Variants in LINC00305 observed in about 807,000 individuals in gnomAD.
The protein encoded by LINC00305 is long independently transcribed non-coding RNA 305.
intron 1 of LINC00305, among the ~76,000 whole-genome samples, chr18:64,138,875 C>T (rs1267394516): frequency 6.6e-5 from 10 of 152,268 alleles, no homozygotes; most frequent in African/African-American, 2.4e-4. Context: ...GCGCCTGGAA[C>T]GACTTGAATA....
At chr18:64,084,021 G>C (rs551612399) in intron 3 of LINC00305, among the ~76,000 whole-genome samples, 33 of 152,254 alleles carry the variant, frequency 2.2e-4, no homozygotes, top group Admixed American at 7.8e-4. Context: ...AGTCCCTGAA[G>C]CTCCATGGTT....
At chr18:64,094,888 A>T (rs10439076) in intron 3 of LINC00305, among the ~76,000 whole-genome samples, 19 of 97,194 alleles carry the variant, frequency 2.0e-4, no homozygotes, top group Non-Finnish European at 2.1e-4. Flanking sequence ...AATAAATAAT[A>T]AAATAAAATA....
At chr18:64,134,356 T>C (rs747718456) in intron 1 of LINC00305, among the ~76,000 whole-genome samples, 1 of 152,218 alleles carries the variant, frequency 6.6e-6, no homozygotes, top group Non-Finnish European at 1.5e-5. Context: ...AGTATTTATA[T>C]AAACAAATTT....
intron 1 of LINC00305, among the ~76,000 whole-genome samples, chr18:64,100,724 C>G (rs1174930977): frequency 2.0e-5 from 3 of 152,198 alleles, no homozygotes; most frequent in Non-Finnish European, 2.9e-5. Context: ...ATTTGAAAAT[C>G]AGCACTTGAG....
chr18:64,100,911 C>T (rs1465169657), intron 1 of LINC00305, among the ~76,000 whole-genome samples: 1 of 152,014 alleles, frequency 6.6e-6, no homozygotes, highest in African/African-American at 2.4e-5. Context: ...TGTTTGTATC[C>T]TCATTTATTT....
chr18:64,130,492 C>T (rs910282999), intron 1 of LINC00305, among the ~76,000 whole-genome samples: 2 of 150,250 alleles, frequency 1.3e-5, no homozygotes, highest in Non-Finnish European at 2.9e-5. Context: ...TTACTGTGCG[C>T]CAAACACATT....
intron 1 of LINC00305, among the ~76,000 whole-genome samples, chr18:64,119,003 T>C (rs2051350118): frequency 6.6e-6 from 1 of 152,092 alleles, no homozygotes; most frequent in Non-Finnish European, 1.5e-5. Flanking sequence ...ATTTAATGAA[T>C]ACTACTTTTG....
At chr18:64,110,465 T>C (rs1439482016) in intron 1 of LINC00305, among the ~76,000 whole-genome samples, 4 of 152,192 alleles carry the variant, frequency 2.6e-5, no homozygotes, top group African/African-American at 7.2e-5. Flanking sequence ...CTTACTGGGT[T>C]CTACTAGACT....
intron 1 of LINC00305, among the ~76,000 whole-genome samples, chr18:64,137,307 G>A (rs1411839226): frequency 6.6e-6 from 1 of 152,144 alleles, no homozygotes; most frequent in Admixed American, 6.5e-5. Flanking sequence ...CAGCACCTTC[G>A]TTTTTGACTT....
chr18:64,114,677 T>C (rs2051330068), intron 1 of LINC00305, among the ~76,000 whole-genome samples: 1 of 152,112 alleles, frequency 6.6e-6, no homozygotes, highest in Non-Finnish European at 1.5e-5. Flanking sequence ...GCCTCCAGAG[T>C]AGCTGAGATT....
chr18:64,141,583 A>C (rs17072605), intron 1 of LINC00305, among the ~76,000 whole-genome samples: 5,205 of 152,292 alleles, frequency 0.034, 283 homozygotes, highest in African/African-American at 0.12. Context: ...CAAAGTTGAG[A>C]TAATGATAGT....
intron 3 of LINC00305, among the ~76,000 whole-genome samples, chr18:64,096,243 C>T (rs1343070424): frequency 6.6e-6 from 1 of 151,878 alleles, no homozygotes; most frequent in Non-Finnish European, 1.5e-5. Flanking sequence ...GATACAAAGA[C>T]TCAGGATTGT....
chr18:64,107,600 G>C (rs1377918534), intron 1 of LINC00305, among the ~76,000 whole-genome samples: 1 of 152,206 alleles, frequency 6.6e-6, no homozygotes, highest in Non-Finnish European at 1.5e-5. Flanking sequence ...ATGTGTTCCA[G>C]GAGACATGGT....
At chr18:64,147,391 C>T (rs1489189446) in intron 1 of LINC00305, 1 of 152,154 alleles carries the variant, frequency 6.6e-6, no homozygotes, top group Admixed American at 6.5e-5. Context: ...GTATTGAATA[C>T]ATTTACATAA....
intron 1 of LINC00305, among the ~76,000 whole-genome samples, chr18:64,115,726 A>G (rs1416377190): frequency 1.3e-5 from 2 of 152,014 alleles, no homozygotes; most frequent in Non-Finnish European, 2.9e-5. Flanking sequence ...CTTTTTTTAA[A>G]TAAGTATTTA....
intron 1 of LINC00305, among the ~76,000 whole-genome samples, chr18:64,136,838 G>A (rs2051436868): frequency 6.6e-6 from 1 of 152,140 alleles, no homozygotes; most frequent in African/African-American, 2.4e-5. Flanking sequence ...CTGAGAGGTG[G>A]TCCAGGACAC....
intron 1 of LINC00305, chr18:64,139,525 A>G (rs1468035241): frequency 1.3e-5 from 2 of 152,336 alleles, no homozygotes; most frequent in Non-Finnish European, 2.9e-5. Context: ...CATTGTCTGA[A>G]GCGTACATCA....
chr18:64,147,977 A>T (rs146066392), intron 1 of LINC00305, among the ~76,000 whole-genome samples: 1 of 151,862 alleles, frequency 6.6e-6, no homozygotes, highest in African/African-American at 2.4e-5. Context: ...TTTCTGGGAC[A>T]TCTGGTAACA....
intron 3 of LINC00305, among the ~76,000 whole-genome samples, chr18:64,081,444 C>T (rs952448635): frequency 6.6e-6 from 1 of 152,162 alleles, no homozygotes; most frequent in African/African-American, 2.4e-5. Flanking sequence ...GTTGTAACTT[C>T]AGGGTATGAG....
Sources: allele counts gnomAD v4.1 joint callset (sites outside exome capture counted in the v4.1 genomes callset), GRCh38; gene constraint gnomAD v4.1.1; transcripts MANE v1.5; gene names NCBI Gene and HGNC (gene_info 2026-07-23, HGNC 2026-07-21).